The following NEB variants were observed in gnomAD, a reference collection of about 807,000 sequenced individuals.
NEB encodes nebulin, also known as nemaline myopathy type 2.
NEB carries 512 observed loss-of-function variants against 952.2 expected under a neutral mutation model. That is an observed-to-expected ratio of 0.54 (90% CI 0.50 to 0.58). The LOEUF is 0.58. Among genes scored for constraint, NEB ranks in the 20% least tolerant of loss-of-function variants. The pLI, the probability that NEB is intolerant of heterozygous loss-of-function variation, is 0.00. For missense variants in NEB, 8,428 were observed against 9,231.1 expected, an observed-to-expected ratio of 0.91 and a Z score of 3.56; for synonymous variants, 2,900 against 3,149.8, an observed-to-expected ratio of 0.92 and a Z score of 2.66.
chr2:151,721,512 C>A lies in NEB; in HGVS notation c.717+1870G>T, dbSNP rs570322006. Reference sequence around the variant, plus strand: ...CCACCCATGCCCTTGGGACCACCACCTCCACATGGCCTTCTCTGATTACTC... The same window carrying A: ...CCACCCATGCCCTTGGGACCACCACATCCACATGGCCTTCTCTGATTACTC... On this transcript the variant is annotated intron_variant, in intron 9 of 181. Coordinates refer to ENST00000397345, the MANE Select transcript of NEB (RefSeq NM_001164508.2). Among the ~76,000 whole-genome samples, 4 of 152,312 alleles carry A rather than the reference C, an allele frequency of 2.6e-5. No individual in the cohort carries two copies. The South Asian group carries it at 6.2e-4, about 24-fold the overall frequency.
chr2:151,706,025 T>G (rs911149666), intron 13 of NEB, among the ~76,000 whole-genome samples: 2 of 152,150 alleles, frequency 1.3e-5, no homozygotes, highest in Non-Finnish European at 2.9e-5. Flanking sequence ...CTAAAGAACT[T>G]TTCCATGTAA....
rs2096140959 is a variant in NEB, at chr2:151,562,611, A to G, written c.18891T>C (p.Asp6297=). The stretch of plus-strand genomic sequence containing the variant: ...TCAAGCTGCAGAAGGGACATCATAC[A>G]TCACTCAAGATCTCCTGGGCGTTTC... ...RVRNAQEILS[D]NVYKDDLNWL... Residue 6297 remains aspartate (D), a splice_region_variant and synonymous_variant, in exon 120 of 182, where the codon GAT becomes GAC. Coordinates refer to ENST00000397345, the MANE Select transcript of NEB (RefSeq NM_001164508.2). 6.4e-7 allele frequency: 1 copy of G among 1,566,458 alleles called. No individual in the cohort carries two copies. Among genetic ancestry groups the G allele is most frequent in the Non-Finnish European group, 8.7e-7 (1 of 1,147,972 alleles).
chr2:151,562,314 GA>G, intron 120 of NEB, 100 bp from the exon 121 acceptor site: 1 of 1,052,210 alleles, frequency 9.5e-7, no homozygotes. Context: ...TTATTGCTTA[GA>G]AGACATAGGG....
intron 181 of NEB, among the ~76,000 whole-genome samples, chr2:151,487,951 CAATATGATAT>C (rs1306460153): frequency 2.6e-5 from 4 of 152,060 alleles, no homozygotes; most frequent in African/African-American, 9.7e-5. Context: ...GAATATGATA[CAATATGATAT>C]TTGATTCAAT....
In NEB at chr2:151,538,254, G is replaced by GA. The variant is rs766816927; in HGVS notation, c.20893-11dup. 8.5e-5 allele frequency: 134 copies of GA among 1,575,844 alleles called. 1 individual carries two copies. Among genetic ancestry groups the GA allele is most frequent in the Non-Finnish European group, 1.1e-4 (122 of 1,146,682 alleles). On this transcript the variant is annotated splice_polypyrimidine_tract_variant and intron_variant, in intron 138 of 181. Transcript: ENST00000397345. ...TTTCTTTGTAGCGTAGCTAGAAAGA[G>GA]AAAAAACACATGAATTACAAAAAAA...
chr2:151,512,647 G>T (rs1346692651), intron 161 of NEB, 86 bp downstream of exon 161: 1 of 981,426 alleles, frequency 1.0e-6, no homozygotes, highest in Admixed American at 2.1e-5. Flanking sequence ...CTGATCTGAA[G>T]AATCTCTTAA....
At position 151,492,214 on chromosome 2, in the gene NEB, G is replaced by A. The variant is rs766492564; in HGVS notation, c.24941C>T (p.Thr8314Ile). ...CFTPVVTDPI[T>I]ERVKKNMQDF... The stretch of plus-strand genomic sequence containing the variant: ...CTGCATGTTCTTCTTTACTCGTTCA[G>A]TGATAGGATCTGTCACCACTGGTGT... The change falls in exon 178 of 182, where the codon ACT becomes ATT. Residue 8314 changes from threonine to isoleucine, a missense_variant. Thr to Ile is a moderately conservative substitution (Grantham distance 89). Coordinates refer to ENST00000397345, the MANE Select transcript of NEB (RefSeq NM_001164508.2). The A allele has an allele frequency of 6.8e-6, 11 of 1,613,784 alleles. No individual in the cohort carries two copies. Among genetic ancestry groups the A allele is most frequent in the Non-Finnish European group, 9.3e-6 (11 of 1,179,848 alleles).
chr2:151,519,814 A>C (rs554018092), intron 153 of NEB, 46 bp from the exon 154 acceptor site: 4 of 1,287,676 alleles, frequency 3.1e-6, no homozygotes, highest in Non-Finnish European at 4.5e-6. Flanking sequence ...ACATCAATCA[A>C]TTTGGGAATT....
chr2:151,513,652 T>TCTTCCTTTGA lies in NEB; in HGVS notation c.23159_23168dup (p.Arg7723SerfsTer12). 6.2e-7 allele frequency: 1 copy of TCTTCCTTTGA among 1,609,234 alleles called. No individual in the cohort carries two copies. The stretch of plus-strand genomic sequence containing the variant: ...TTTCATTGGCCATGGCATTCAGGCC[T>TCTTCCTTTGA]CTTCCTTTGACTTCCAGTTCCAGGT... On this transcript the variant is annotated frameshift_variant, in exon 160 of 182. Transcript: ENST00000397345. LOFTEE classifies it high-confidence loss of function.
intron 162 of NEB, among the ~76,000 whole-genome samples, chr2:151,507,310 A>G (rs2069967462): frequency 6.6e-6 from 1 of 152,260 alleles, no homozygotes; most frequent in Non-Finnish European, 1.5e-5. Context: ...GTTCACATTC[A>G]GTAAAGGAAG....
At chr2:151,552,548 C>T (rs900271187) in intron 128 of NEB, 124 bp downstream of exon 128, 18 of 644,054 alleles carry the variant, frequency 2.8e-5, no homozygotes, top group Non-Finnish European at 4.9e-5. Context: ...CTTTCAAACG[C>T]ACCAACTCTG....
In NEB at chr2:151,663,677, C is replaced by T. The variant is rs2154172468; in HGVS notation, c.5634G>A (p.Val1878=). 1 of 1,613,788 alleles carries T rather than the reference C, an allele frequency of 6.2e-7. No individual in the cohort carries two copies. The highest frequency in any genetic ancestry group is 1.1e-5 in the South Asian group (1 of 91,080). Residue 1878 remains valine (V), a synonymous_variant, in exon 45 of 182, where the codon GTG becomes GTA. Transcript: ENST00000397345. ...CTTCCTGAGACTTCTTGGCTGCCAC[C>T]ACACTGAGCATGTCCACCGGGGTGT... ...SFHTPVDMLS[V]VAAKKSQEVA...
intron 11 of NEB, among the ~76,000 whole-genome samples, chr2:151,709,984 G>A (rs2150028330): frequency 6.6e-6 from 1 of 152,272 alleles, no homozygotes; most frequent in East Asian, 1.9e-4. Context: ...AATTAGAAAG[G>A]CTTTTCTTGG....
At chr2:151,541,384 C>T (rs2094037655) in intron 136 of NEB, 63 bp downstream of exon 136, 11 of 1,311,098 alleles carry the variant, frequency 8.4e-6, no homozygotes, top group Non-Finnish European at 1.2e-5. Context: ...CCAGGTGAGG[C>T]CAGGCACATA....
chr2:151,670,191 T>G (rs1240777481), intron 38 of NEB, among the ~76,000 whole-genome samples: 1 of 152,198 alleles, frequency 6.6e-6, no homozygotes, highest in Non-Finnish European at 1.5e-5. Context: ...GAATTAACCC[T>G]TAGACATCTG....
At chr2:151,496,712 C>A (rs577370516) in intron 172 of NEB, among the ~76,000 whole-genome samples, 1 of 151,828 alleles carries the variant, frequency 6.6e-6, no homozygotes, top group South Asian at 2.1e-4. Flanking sequence ...CGGAAAAACT[C>A]ATTTTTAAAA....
At chr2:151,678,368 A>T (rs2099388657) in intron 32 of NEB, among the ~76,000 whole-genome samples, 181 bp from the exon 33 acceptor site, 3 of 152,202 alleles carry the variant, frequency 2.0e-5, no homozygotes, top group Admixed American at 1.3e-4. Context: ...AATGTTATGT[A>T]TTATGGAACC....
At chr2:151,700,362 C>T (rs2099637804) in intron 13 of NEB, among the ~76,000 whole-genome samples, 2 of 69,456 alleles carry the variant, frequency 2.9e-5, no homozygotes, top group African/African-American at 1.2e-4. Flanking sequence ...TTTTTGGTTC[C>T]ATATGAACTT....
chr2:151,548,111 G>A (rs17270269), intron 131 of NEB, among the ~76,000 whole-genome samples, 197 bp downstream of exon 131: 1,912 of 152,256 alleles, frequency 0.013, 18 homozygotes, highest in Non-Finnish European at 0.021. Flanking sequence ...ATGGAACCGA[G>A]TCTCTCCAAG....
Sources: gnomAD v4.1 joint callset for allele counts (sites outside exome capture counted in the v4.1 genomes callset) on GRCh38, gnomAD v4.1.1 for gene constraint, MANE v1.5 for transcripts, NCBI Gene and HGNC (gene_info 2026-07-23, HGNC 2026-07-21) for gene names.